DNAH6: variants seen among roughly 807,000 people sequenced by gnomAD.
The protein encoded by DNAH6 is axonemal beta dynein heavy chain 6.
A neutral mutation model predicts 491.4 loss-of-function variants in DNAH6; 340 were observed. That is an observed-to-expected ratio of 0.69 (90% confidence interval 0.63 to 0.76). The LOEUF (loss-of-function observed/expected upper bound fraction) is 0.76. Among genes scored for constraint, DNAH6 ranks in the 30% least tolerant of loss-of-function variants. The probability of loss-of-function intolerance (pLI) is 0.00; values close to 1 mark genes in which losing one functional copy is unlikely to be tolerated. For synonymous variants in DNAH6, 1,603 were observed against 1,686.1 expected, an observed-to-expected ratio of 0.95 and a Z score of 1.21; for missense variants, 4,443 against 4,972.2, an observed-to-expected ratio of 0.89 and a Z score of 3.20.
chr2:84,691,493 T>C (rs1259186693), intron 45 of DNAH6, among the ~76,000 whole-genome samples: 2 of 152,218 alleles, frequency 1.3e-5, no homozygotes. Flanking sequence ...GGCAGACACA[T>C]AGCAATGACA....
At chr2:84,814,712 C>T (rs1680323048) in intron 75 of DNAH6, among the ~76,000 whole-genome samples, 2 of 152,150 alleles carry the variant, frequency 1.3e-5, no homozygotes, top group Non-Finnish European at 2.9e-5. Context: ...TTACAGTGAC[C>T]ACCAGGGCTC....
Position 84,623,384 on chromosome 2 carries a change from A to G in DNAH6, c.4072-881A>G, listed in dbSNP as rs1380823245. ...GCCGACTCTTTTGACTCCAAATTCA[A>G]TTCTACTTCCAAGCAATACTACATT... is the stretch of plus-strand genomic sequence containing the variant. On this transcript the variant is annotated intron_variant, in intron 26 of 76. Coordinates refer to ENST00000389394, the MANE Select transcript of DNAH6 (RefSeq NM_001370.2). 3.3e-5 allele frequency among the ~76,000 whole-genome samples: 5 copies of G among 152,204 alleles called. No homozygotes were observed. The East Asian group carries it at 5.8e-4, about 18-fold the overall frequency.
Position 84,550,034 on chromosome 2 carries a change from A to AAGCCTGAAGTCCCTGATAAAAAGGT in DNAH6, c.1464_1485+3dup. 6.2e-7 allele frequency: 1 copy of AAGCCTGAAGTCCCTGATAAAAAGGT among 1,613,294 alleles called. No homozygotes were observed. The highest frequency in any genetic ancestry group is 1.7e-5 in the Admixed American group (1 of 59,828). The stretch of plus-strand genomic sequence containing the variant: ...CATTCAGAAATGGATTACTGAAGAG[A>AAGCCTGAAGTCCCTGATAAAAAGGT]AGCCTGAAGTCCCTGATAAAAAGGT... On this transcript the variant is annotated frameshift_variant, in exon 9 of 77. Transcript: ENST00000389394. LOFTEE classifies it high-confidence loss of function.
At chr2:84,642,075 A>G (rs1689467247) in intron 33 of DNAH6, 21 bp downstream of exon 33, 2 of 1,471,020 alleles carry the variant, frequency 1.4e-6, no homozygotes, top group Non-Finnish European at 9.3e-7. Flanking sequence ...AGACATTACC[A>G]AGTAAAGCAT....
At chr2:84,488,037 T>C in the DNAH6 span, among the ~76,000 whole-genome samples, 6 of 152,188 alleles carry the variant, frequency 3.9e-5, no homozygotes, top group African/African-American at 1.4e-4. Context: ...ACTTTTGTAC[T>C]CAGTTTGAGG....
At chr2:84,751,263 A>G (rs1001228188) in intron 63 of DNAH6, 1 of 152,256 alleles carries the variant, frequency 6.6e-6, no homozygotes, top group African/African-American at 2.4e-5. Context: ...TAACTAAGAC[A>G]AGACTAGAAA....
chr2:84,685,266 T>G, intron 42 of DNAH6, 60 bp from the exon 43 acceptor site: 1 of 1,247,490 alleles, frequency 8.0e-7, no homozygotes, highest in Non-Finnish European at 1.1e-6. Context: ...ATTAAACTAT[T>G]ACTGGAGATT....
intron 11 of DNAH6, among the ~76,000 whole-genome samples, chr2:84,559,052 T>C (rs1397126270): frequency 6.6e-6 from 1 of 152,182 alleles, no homozygotes; most frequent in East Asian, 1.9e-4. Flanking sequence ...AACATATGAT[T>C]GTAACTGTCA....
chr2:84,601,018 A>AGT (rs1282460126), intron 18 of DNAH6, among the ~76,000 whole-genome samples: 20 of 147,430 alleles, frequency 1.4e-4, no homozygotes, highest in African/African-American at 4.7e-4. Context: ...ATAATATTAT[A>AGT]ATAATAATGT....
rs1686908714 is a variant in DNAH6, at chr2:84,616,921, C to T, written c.3511C>T (p.Leu1171Phe). 6.7e-7 allele frequency: 1 copy of T among 1,497,204 alleles called. No homozygotes were observed. Among genetic ancestry groups the T allele is most frequent in the Non-Finnish European group, 8.9e-7 (1 of 1,127,044 alleles). The allele number at this position is 1,497,204 out of a possible 1,614,324, so 92.7% of individuals were successfully genotyped here. The change falls in exon 23 of 77, where the codon CTT (leucine) becomes TTT (phenylalanine). Residue 1171 changes from leucine to phenylalanine, a missense_variant. Around this residue, in one of 3 missense-constraint regions of DNAH6, gnomAD observed 2,977 missense variants for 3,296.6 expected, o/e 0.90. Transcript: ENST00000389394. ...AACTTTTCAAAACAATAATGCATTA[C>T]TTGACCAAATTCAGAAGTGCCTAGA... ...LETFQNNNAL[L>F]DQIQKCLEAY...
intron 18 of DNAH6, among the ~76,000 whole-genome samples, chr2:84,598,296 G>A (rs1684880035): frequency 6.6e-6 from 1 of 151,840 alleles, no homozygotes; most frequent in Admixed American, 6.6e-5. Flanking sequence ...CCAAAGTGCT[G>A]GAATCACAGG....
chr2:84,555,823 A>T lies in DNAH6; in HGVS notation c.1603-1912A>T, dbSNP rs552945610. 6.6e-5 allele frequency among the ~76,000 whole-genome samples: 10 copies of T among 152,178 alleles called. No individual in the cohort carries two copies. In the South Asian group the frequency reaches 1.9e-3, roughly 28 times the overall value. On this transcript the variant is annotated intron_variant, in intron 10 of 76. Coordinates refer to ENST00000389394, the MANE Select transcript of DNAH6 (RefSeq NM_001370.2). The stretch of plus-strand genomic sequence containing the variant: ...AAGCCAGCAATCTGGGAGTTCCCCT[A>T]GAGTCTCCCTTACCTCCTTGAGATC...
chr2:84,762,801 A>G lies in DNAH6; in HGVS notation c.10559A>G (p.Gln3520Arg), dbSNP rs1460439985. 2.6e-6 allele frequency: 4 copies of G among 1,551,112 alleles called. No homozygotes were observed. In the Admixed American group the frequency reaches 7.9e-5, roughly 30 times the overall value. The change falls in exon 64 of 77, where the codon CAG becomes CGG. Residue 3520 changes from glutamine to arginine, a missense_variant. Coordinates refer to ENST00000389394, the MANE Select transcript of DNAH6 (RefSeq NM_001370.2). ...TDFVIENLGK[Q>R]FIETPPVDLP... ...TTTGTGATAGAAAATCTTGGAAAAC[A>G]GTTTATAGAGACACCACCTGTGGAC...
In DNAH6 at chr2:84,624,324, C is replaced by G. The variant is rs1687656733; in HGVS notation, c.4131C>G (p.Ile1377Met). The G allele has an allele frequency of 1.3e-6, 2 of 1,551,080 alleles. No homozygotes were observed. Among genetic ancestry groups the G allele is most frequent in the East Asian group, 2.4e-5 (1 of 40,896 alleles). ...GTCTTCCTAAATTACACAGAAACAT[C>G]CTAACTGCATTGATTACTATTGATG... ...QGSLPKLHRN[I>M]LTALITIDVH... Residue 1377 changes from isoleucine (I) to methionine (M), a missense_variant, in exon 27 of 77, where the codon ATC becomes ATG. This residue lies in a region of DNAH6 where 2,977 missense variants were observed against 3,296.6 expected (regional missense o/e 0.90). Coordinates refer to ENST00000389394, the MANE Select transcript of DNAH6 (RefSeq NM_001370.2).
intron 64 of DNAH6, among the ~76,000 whole-genome samples, 180 bp downstream of exon 64, chr2:84,763,125 G>A (rs191041167): frequency 6.6e-6 from 1 of 152,196 alleles, no homozygotes. Context: ...AGTCATAAAC[G>A]TAGCTGTAAA....
chr2:84,541,950 G>A (rs1275968174), intron 4 of DNAH6, among the ~76,000 whole-genome samples: 1 of 152,188 alleles, frequency 6.6e-6, no homozygotes, highest in Non-Finnish European at 1.5e-5. Flanking sequence ...TTTTGATGCT[G>A]ATGATCCAAC....
At chr2:84,620,150 G>A (rs1469178653) in intron 24 of DNAH6, among the ~76,000 whole-genome samples, 2 of 152,168 alleles carry the variant, frequency 1.3e-5, no homozygotes, top group Non-Finnish European at 2.9e-5. Context: ...TATAAAACTA[G>A]AACCATGTCT....
chr2:84,739,223 C>T lies in DNAH6; in HGVS notation c.10342+5644C>T, dbSNP rs1357130243. Reference sequence around the variant, plus strand: ...GTCTGTTTTTAGTCTTATAGGTTTCCCTTTATAAGCAACATGACCCTTTTC... The same window carrying T: ...GTCTGTTTTTAGTCTTATAGGTTTCTCTTTATAAGCAACATGACCCTTTTC... On this transcript the variant is annotated intron_variant, in intron 62 of 76. Transcript: ENST00000389394. Among the ~76,000 whole-genome samples the T allele has an allele frequency of 2.0e-5, 3 of 152,042 alleles. No individual in the cohort carries two copies. In the East Asian group the frequency reaches 5.8e-4, roughly 29 times the overall value.
At chr2:84,739,138 C>A (rs1672279186) in intron 62 of DNAH6, among the ~76,000 whole-genome samples, 1 of 152,128 alleles carries the variant, frequency 6.6e-6, no homozygotes, top group African/African-American at 2.4e-5. Flanking sequence ...CATTTATTAT[C>A]TTTAAGAATA....
Sources: allele counts gnomAD v4.1 joint callset (sites outside exome capture counted in the v4.1 genomes callset), GRCh38; gene constraint gnomAD v4.1.1; regional missense constraint gnomAD v4.1.1; transcripts MANE v1.5; gene names NCBI Gene and HGNC (gene_info 2026-07-23, HGNC 2026-07-21).